Variants in VANGL1 observed in about 807,000 individuals in gnomAD.
VANGL1 encodes the protein VANGL planar cell polarity protein 1, also known as vang-like protein 1.
VANGL1 carries 18 observed loss-of-function variants against 48.4 expected under a neutral mutation model. That is an observed-to-expected ratio of 0.37 (90% CI 0.26 to 0.55). The LOEUF (loss-of-function observed/expected upper bound fraction) is 0.55. VANGL1 is among the 20% of genes least tolerant of loss of function. The probability of loss-of-function intolerance (pLI) is 0.81; values close to 1 mark genes in which losing one functional copy is unlikely to be tolerated. For synonymous variants in VANGL1, 257 were observed against 261.8 expected, an observed-to-expected ratio of 0.98 and a Z score of 0.18; for missense variants, 667 against 675.8, an observed-to-expected ratio of 0.99 and a Z score of 0.14.
chr1:115,649,345 G>A (rs1359924950), intron 1 of VANGL1, among the ~76,000 whole-genome samples: 2 of 152,118 alleles, frequency 1.3e-5, no homozygotes, highest in African/African-American at 4.8e-5. Context: ...TATGGATTGG[G>A]AAGTCTCTGA....
At chr1:115,655,170 G>T (rs1393425651) in intron 2 of VANGL1, among the ~76,000 whole-genome samples, 1 of 152,192 alleles carries the variant, frequency 6.6e-6, no homozygotes, top group African/African-American at 2.4e-5. Context: ...GGCCCCAGCA[G>T]CCAGCAGAGA....
intron 2 of VANGL1, among the ~76,000 whole-genome samples, chr1:115,656,193 C>T (rs1652348362): frequency 6.6e-6 from 1 of 152,190 alleles, no homozygotes; most frequent in Non-Finnish European, 1.5e-5. Flanking sequence ...CTGTCCTGAG[C>T]TTTTCTCCCA....
intron 3 of VANGL1, among the ~76,000 whole-genome samples, chr1:115,662,745 A>G (rs1414763003): frequency 1.3e-5 from 2 of 151,858 alleles, no homozygotes; most frequent in Non-Finnish European, 1.5e-5. Context: ...AGTGCTTGAC[A>G]CTGATGCTTG....
intron 7 of VANGL1, among the ~76,000 whole-genome samples, chr1:115,688,226 T>C (rs1361355409): frequency 7.2e-6 from 1 of 138,322 alleles, no homozygotes; most frequent in African/African-American, 2.7e-5. Flanking sequence ...CATACAGATA[T>C]AACTACAGAT....
In VANGL1 at chr1:115,663,820, C is replaced by T; in HGVS notation, c.364C>T (p.Leu122=). 6.2e-7 allele frequency: 1 copy of T among 1,614,200 alleles called. No homozygotes were observed. Among genetic ancestry groups the T allele is most frequent in the Non-Finnish European group, 8.5e-7 (1 of 1,180,034 alleles). Residue 122 remains leucine, a synonymous_variant, in exon 4 of 8, where the codon CTA becomes TTA. Coordinates refer to ENST00000355485, the MANE Select transcript of VANGL1 (RefSeq NM_138959.3). ...CACCGTCGCCTCTTTTCTTGGACTT[C>T]TAGTTTTCCTCACCCCTATTGCCTT... ...GLTVASFLGL[L]VFLTPIAFIL... is the part of the protein sequence containing the mutation.
Position 115,691,174 on chromosome 1 carries a change from G to T in VANGL1, c.1370G>T (p.Arg457Leu). Residue 457 changes from arginine (R) to leucine (L), a missense_variant, in exon 8 of 8, where the codon CGC becomes CTC. Arg to Leu is a moderately radical substitution (Grantham distance 102). Coordinates refer to ENST00000355485, the MANE Select transcript of VANGL1 (RefSeq NM_138959.3). ...AGPTLQYDKD[R>L]WLSTQWRLVS... is the part of the protein sequence containing the mutation. ...CCCACCCTGCAATATGACAAGGACC[G>T]CTGGCTCTCTACACAGTGGAGGCTT... 6.2e-7 allele frequency: 1 copy of T among 1,613,984 alleles called. No individual in the cohort carries two copies. The highest frequency in any genetic ancestry group is 1.1e-5 in the South Asian group (1 of 91,072).
intron 4 of VANGL1, among the ~76,000 whole-genome samples, chr1:115,666,348 T>C (rs1171211153): frequency 1.3e-5 from 2 of 152,186 alleles, no homozygotes; most frequent in South Asian, 4.1e-4. Flanking sequence ...AGCTGCACAC[T>C]GCATCTGAGT....
chr1:115,651,433 A>G lies in VANGL1; in HGVS notation c.20A>G (p.Tyr7Cys), dbSNP rs778582067. 15 of 1,613,910 alleles carry G rather than the reference A, an allele frequency of 9.3e-6. No homozygotes were observed. The Admixed American group carries it at 2.5e-4, about 27-fold the overall frequency. MDTEST[Y>C]SGYSYYSSHS... Reference sequence around the variant, plus strand: ...ATTGCTATGGATACCGAATCCACTTATTCTGGATATTCTTACTATTCAAGT... The same window carrying G: ...ATTGCTATGGATACCGAATCCACTTGTTCTGGATATTCTTACTATTCAAGT... The change falls in exon 2 of 8, where the codon TAT becomes TGT. Residue 7 changes from tyrosine to cysteine, a missense_variant. Transcript: ENST00000355485.
intron 3 of VANGL1, among the ~76,000 whole-genome samples, chr1:115,663,077 G>A (rs112884844): frequency 0.016 from 2,496 of 152,166 alleles, 64 homozygotes; most frequent in African/African-American, 0.055. Flanking sequence ...GAGCCACCGC[G>A]CCCCAGTCCA....
At chr1:115,666,079 A>T (rs1652773039) in intron 4 of VANGL1, among the ~76,000 whole-genome samples, 1 of 152,208 alleles carries the variant, frequency 6.6e-6, no homozygotes, top group African/African-American at 2.4e-5. Flanking sequence ...GCTGCAGTTA[A>T]AGTGGTAGAG....
intron 4 of VANGL1, chr1:115,671,069 A>T (rs1652956434): frequency 6.6e-6 from 1 of 152,268 alleles, no homozygotes; most frequent in African/African-American, 2.4e-5. Context: ...TACAGCTGGG[A>T]TGGCTTCCCT....
At chr1:115,656,843 T>C (rs892852059) in intron 2 of VANGL1, among the ~76,000 whole-genome samples, 10 of 152,232 alleles carry the variant, frequency 6.6e-5, no homozygotes, top group Non-Finnish European at 1.5e-5. Flanking sequence ...TGAAAGAATT[T>C]TGATTTCCAG....
rs969286818 is a variant in VANGL1 at position 115,663,700 on chromosome 1, A to G, written c.244A>G (p.Thr82Ala). Residue 82 changes from threonine to alanine, a missense_variant, in exon 4 of 8, where the codon ACC becomes GCC. Physicochemically the swap from Thr to Ala is moderately conservative, Grantham distance 58. Transcript: ENST00000355485. ...AGAGACCACCACGGCCATCACAGGC[A>G]CCTCGGAGCACAGCATATCCCAAGA... ...WGETTTAITG[T>A]SEHSISQEDI... 3.1e-6 allele frequency: 5 copies of G among 1,614,174 alleles called. No individual in the cohort carries two copies. The highest frequency in any genetic ancestry group is 4.2e-6 in the Non-Finnish European group (5 of 1,180,022).
intron 4 of VANGL1, among the ~76,000 whole-genome samples, chr1:115,666,943 G>T (rs915771772): frequency 4.6e-5 from 7 of 152,224 alleles, no homozygotes; most frequent in African/African-American, 1.7e-4. Flanking sequence ...GCTAAATCTG[G>T]TCTGAACCCA....
At chr1:115,650,530 A>C (rs529546320) in intron 1 of VANGL1, among the ~76,000 whole-genome samples, 5 of 152,302 alleles carry the variant, frequency 3.3e-5, no homozygotes, top group African/African-American at 1.2e-4. Context: ...TCCTTACATA[A>C]GCAATTTTAT....
At chr1:115,648,336 A>T (rs941734546) in intron 1 of VANGL1, among the ~76,000 whole-genome samples, 2 of 152,048 alleles carry the variant, frequency 1.3e-5, no homozygotes, top group African/African-American at 4.8e-5. Context: ...TTGTGGATGG[A>T]GATTTGGACT....
chr1:115,662,631 T>C (rs191695589), intron 3 of VANGL1, among the ~76,000 whole-genome samples: 21 of 152,344 alleles, frequency 1.4e-4, no homozygotes, highest in Admixed American at 1.3e-3. Flanking sequence ...CCTTGATGTT[T>C]AGTTCCTCGT....
intron 2 of VANGL1, among the ~76,000 whole-genome samples, chr1:115,657,972 G>A (rs775398390): frequency 1.3e-4 from 20 of 152,240 alleles, no homozygotes; most frequent in Middle Eastern, 3.4e-3. Context: ...ACTCACTATC[G>A]TGAAGATAGC....
At chr1:115,658,006 C>T (rs1486806238) in intron 2 of VANGL1, among the ~76,000 whole-genome samples, 1 of 152,194 alleles carries the variant, frequency 6.6e-6, no homozygotes, top group African/African-American at 2.4e-5. Flanking sequence ...GGGTCTGTCC[C>T]CATGATCCAG....
Sources: allele counts gnomAD v4.1 joint callset (sites outside exome capture counted in the v4.1 genomes callset), GRCh38; gene constraint gnomAD v4.1.1; transcripts MANE v1.5; gene names NCBI Gene and HGNC (gene_info 2026-07-23, HGNC 2026-07-21).